SUCLG2: variants seen among roughly 807,000 people sequenced by gnomAD.
SUCLG2 encodes the protein succinate-CoA ligase GDP-forming subunit beta, also known as succinate--CoA ligase [GDP-forming] subunit beta, mitochondrial.
Under a neutral mutation model 47.9 loss-of-function variants are expected in SUCLG2, and 42 were observed. The observed-to-expected ratio is 0.88, with a 90% confidence interval of 0.69 to 1.14. SUCLG2 has a LOEUF of 1.14. Among genes scored for constraint, SUCLG2 ranks in the 50% most tolerant of loss-of-function variants. SUCLG2 has a pLI of 0.00. For missense variants in SUCLG2, 571 were observed against 525.9 expected (o/e 1.09, Z -0.84); for synonymous variants, 195 against 197.3 (o/e 0.99, Z 0.10).
chr3:67,462,942 AC>A, intron 9 of SUCLG2, among the ~76,000 whole-genome samples: 1 of 151,356 alleles, frequency 6.6e-6, no homozygotes, highest in South Asian at 2.1e-4. Context: ...GGTGGGGAAA[AC>A]CCCCCACACA....
intron 2 of SUCLG2, among the ~76,000 whole-genome samples, chr3:67,546,873 C>T (rs1205622246): frequency 1.3e-5 from 2 of 152,214 alleles, no homozygotes; most frequent in Non-Finnish European, 2.9e-5. Flanking sequence ...TGCACTCCAG[C>T]CTGGGTTACA....
intron 10 of SUCLG2, among the ~76,000 whole-genome samples, chr3:67,388,803 T>C (rs1387471065): frequency 1.3e-5 from 2 of 152,120 alleles, no homozygotes; most frequent in Non-Finnish European, 2.9e-5. Context: ...TATAGTAGAT[T>C]TAGAGATGTG....
chr3:67,642,951 T>TGTGTGTGTGTGA lies in SUCLG2; in HGVS notation c.84+11551_84+11552insTCACACACACAC, dbSNP rs1553675855. 2.0e-3 allele frequency among the ~76,000 whole-genome samples: 286 copies of TGTGTGTGTGTGA among 141,640 alleles called. 1 individual carries two copies. Among genetic ancestry groups the TGTGTGTGTGTGA allele is most frequent in the African/African-American group, 7.0e-3 (278 of 39,946 alleles). The allele number at this position is 141,640 out of a possible 152,430, so 92.9% of individuals were successfully genotyped here. On this transcript the variant is annotated intron_variant, in intron 1 of 10. Coordinates refer to ENST00000307227, the MANE Select transcript of SUCLG2 (RefSeq NM_003848.4). Reference sequence around the variant, plus strand: ...GTGTGTGTGTGTGTGTGTGTGTGTGTGAGAGAGATGGCACCCTGCAAGGGA... The same window carrying TGTGTGTGTGTGA: ...GTGTGTGTGTGTGTGTGTGTGTGTGTGTGTGTGTGTGAGAGAGAGATGGCACCCTGCAAGGGA...
rs181758031 is a variant in SUCLG2 at position 67,573,130 on chromosome 3, C to T, written c.226+36325G>A. On this transcript the variant is annotated intron_variant, in intron 2 of 10. Coordinates refer to ENST00000307227, the MANE Select transcript of SUCLG2 (RefSeq NM_003848.4). ...TAACAAAAGAAATGAAAGACATACG[C>T]TTGAAAACCACAAAATATTGCTGAA... Among the ~76,000 whole-genome samples, 578 of 152,190 alleles carry T rather than the reference C, an allele frequency of 3.8e-3. 2 individuals are homozygous for T. Among genetic ancestry groups the T allele is most frequent in the African/African-American group, 0.013 (553 of 41,528 alleles).
At chr3:67,453,946 A>G (rs72918978) in intron 9 of SUCLG2, among the ~76,000 whole-genome samples, 4,401 of 151,254 alleles carry the variant, frequency 0.029, 86 homozygotes, top group East Asian at 0.078. Context: ...GTTGTCGTGC[A>G]TTTTGTGTGT....
intron 2 of SUCLG2, among the ~76,000 whole-genome samples, chr3:67,580,826 G>C (rs1707862737): frequency 6.6e-6 from 1 of 152,170 alleles, no homozygotes; most frequent in Non-Finnish European, 1.5e-5. Flanking sequence ...ACTTGGAAAT[G>C]TCAAGTGTAA....
chr3:67,377,484 C>T (rs1410874513), intron 10 of SUCLG2, among the ~76,000 whole-genome samples: 1 of 152,168 alleles, frequency 6.6e-6, no homozygotes, highest in Non-Finnish European at 1.5e-5. Flanking sequence ...TTTCCCAGGC[C>T]CCCCTGCATC....
At chr3:67,460,050 G>A (rs1271434712) in intron 9 of SUCLG2, among the ~76,000 whole-genome samples, 1 of 152,152 alleles carries the variant, frequency 6.6e-6, no homozygotes, top group East Asian at 1.9e-4. Context: ...CCACCCAGCT[G>A]AAAGGGAGGT....
At chr3:67,629,991 A>G (rs1460137463) in intron 1 of SUCLG2, among the ~76,000 whole-genome samples, 1 of 152,132 alleles carries the variant, frequency 6.6e-6, no homozygotes, top group Non-Finnish European at 1.5e-5. Context: ...AACCCTAAAA[A>G]CACAAAAGAT....
At chr3:67,559,306 G>C (rs1707245557) in intron 2 of SUCLG2, among the ~76,000 whole-genome samples, 1 of 152,150 alleles carries the variant, frequency 6.6e-6, no homozygotes, top group South Asian at 2.1e-4. Flanking sequence ...TACTACCTGA[G>C]ACTGGGTAAT....
intron 2 of SUCLG2, among the ~76,000 whole-genome samples, chr3:67,543,417 G>A (rs919181483): frequency 2.6e-4 from 39 of 152,146 alleles, no homozygotes; most frequent in Non-Finnish European, 4.4e-4. Flanking sequence ...AGGCAGGTGG[G>A]TTGATTTGGG....
chr3:67,456,575 G>C (rs897145463), intron 9 of SUCLG2, among the ~76,000 whole-genome samples: 5 of 152,172 alleles, frequency 3.3e-5, no homozygotes, highest in Admixed American at 1.3e-4. Context: ...ACTCAAACAA[G>C]GGTATGGTAA....
rs150165552 is a variant in SUCLG2, at chr3:67,562,908, T to C, written c.227-33722A>G. On this transcript the variant is annotated intron_variant, in intron 2 of 10. Transcript: ENST00000307227. Reference sequence around the variant, plus strand: ...TGAACTGTGTATGTATGTACACATATAAAAAATTATCTATATCTTTTAATA... The same window carrying C: ...TGAACTGTGTATGTATGTACACATACAAAAAATTATCTATATCTTTTAATA... Among the ~76,000 whole-genome samples the C allele has an allele frequency of 7.4e-3, 1,133 of 152,102 alleles. 13 individuals carry two copies. The highest frequency in any genetic ancestry group is 0.025 in the African/African-American group (1,058 of 41,522).
chr3:67,620,437 T>C (rs1700713406), intron 1 of SUCLG2, among the ~76,000 whole-genome samples: 1 of 151,674 alleles, frequency 6.6e-6, no homozygotes, highest in Admixed American at 6.6e-5. Context: ...ATACAAAAAT[T>C]AGCTGGGCGT....
chr3:67,388,016 C>A (rs1702297425), intron 10 of SUCLG2, among the ~76,000 whole-genome samples: 1 of 151,850 alleles, frequency 6.6e-6, no homozygotes, highest in South Asian at 2.1e-4. Context: ...AAAATGGTAA[C>A]AAGTGTTATC....
intron 2 of SUCLG2, among the ~76,000 whole-genome samples, chr3:67,591,623 C>T (rs981928903): frequency 3.3e-5 from 5 of 152,054 alleles, no homozygotes; most frequent in African/African-American, 9.7e-5. Context: ...GTAAGAAGTG[C>T]CTTTCACCTC....
intron 10 of SUCLG2, 71 bp downstream of exon 10, chr3:67,400,660 A>T (rs1702661157): frequency 6.3e-7 from 1 of 1,575,622 alleles, no homozygotes; most frequent in Non-Finnish European, 8.6e-7. Flanking sequence ...GAAGTTTGTG[A>T]ATCCAGAACA....
chr3:67,650,252 C>G (rs772331630), intron 1 of SUCLG2, among the ~76,000 whole-genome samples: 1 of 152,214 alleles, frequency 6.6e-6, no homozygotes, highest in Non-Finnish European at 1.5e-5. Flanking sequence ...AGAACTTGCC[C>G]ATAACCTTTA....
chr3:67,400,293 T>C (rs1702654335), intron 10 of SUCLG2, among the ~76,000 whole-genome samples: 1 of 151,856 alleles, frequency 6.6e-6, no homozygotes. Context: ...TTTTTAAGAG[T>C]TATTTTTTAA....
Sources: gnomAD v4.1 joint callset for allele counts (sites outside exome capture counted in the v4.1 genomes callset) on GRCh38, gnomAD v4.1.1 for gene constraint, MANE v1.5 for transcripts, NCBI Gene and HGNC (gene_info 2026-07-23, HGNC 2026-07-21) for gene names.